SH3KBP1: variants seen among roughly 807,000 people sequenced by gnomAD.
SH3KBP1 encodes the protein SH3 domain-containing kinase-binding protein 1.
A neutral mutation model predicts 50.1 loss-of-function variants in SH3KBP1; 8 were observed. That is an observed-to-expected ratio of 0.16 (90% CI 0.09 to 0.29). The LOEUF (loss-of-function observed/expected upper bound fraction) is 0.29, where lower values mean the gene tolerates loss of function less well. SH3KBP1 is among the 10% of genes least tolerant of loss of function. The pLI is 1.00. For missense variants in SH3KBP1, 377 were observed against 535.2 expected, an observed-to-expected ratio of 0.70 and a Z score of 2.92; for synonymous variants, 227 against 218.6, an observed-to-expected ratio of 1.04 and a Z score of -0.34.
intron 2 of SH3KBP1, among the ~76,000 whole-genome samples, chrX:19,808,604 C>A (rs146567361): frequency 9.0e-6 from 1 of 111,173 alleles, no homozygotes; most frequent in East Asian, 2.8e-4. Context: ...CCCCCTCCCC[C>A]ACAACTGCTG....
chrX:19,631,956 T>C lies in SH3KBP1; in HGVS notation c.805A>G (p.Lys269Glu). Residue 269 changes from lysine (K) to glutamate (E), a missense_variant and splice_region_variant, in exon 8 of 18, where the codon AAG becomes GAG. By Grantham distance (56) the Lys-to-Glu change is moderately conservative. Around this residue, in one of 3 missense-constraint regions of SH3KBP1, gnomAD observed 257 missense variants for 374.2 expected, o/e 0.69. Coordinates refer to ENST00000397821, the MANE Select transcript of SH3KBP1 (RefSeq NM_031892.3). ...KTEMDSRTKSKDYCKVIFPYE... is the reference protein window; with the variant it reads ...KTEMDSRTKSEDYCKVIFPYE... Reference sequence around the variant, plus strand: ...GGAAATATTACTTTGCAGTAATCCTTGCCTATAAGAAAAACAGAAAACATA... The same window carrying C: ...GGAAATATTACTTTGCAGTAATCCTCGCCTATAAGAAAAACAGAAAACATA... The C allele has an allele frequency of 8.7e-7, 1 of 1,148,784 alleles. No homozygotes were observed. The highest frequency in any genetic ancestry group is 1.2e-6 in the Non-Finnish European group (1 of 844,728). The allele number at this position is 1,148,784 out of a possible 1,213,427, so 94.7% of individuals were successfully genotyped here.
intron 3 of SH3KBP1, chrX:19,707,199 G>C (rs750516196): frequency 9.8e-6 from 5 of 509,526 alleles, no homozygotes; most frequent in Admixed American, 9.7e-5. Context: ...GGGTCAGAAA[G>C]GCATGGATAT....
At chrX:19,731,589 C>T (rs905860286) in intron 3 of SH3KBP1, among the ~76,000 whole-genome samples, 1 of 112,048 alleles carries the variant, frequency 8.9e-6, no homozygotes, top group Non-Finnish European at 1.9e-5. Context: ...TCTCCTCTCT[C>T]CCTCGGTACT....
chrX:19,832,247 T>C (rs2067917488), intron 2 of SH3KBP1, among the ~76,000 whole-genome samples: 1 of 111,445 alleles, frequency 9.0e-6, no homozygotes, highest in Admixed American at 9.5e-5. Context: ...CGCAGGGCAA[T>C]TCAGGCCCAG....
chrX:19,604,608 G>A (rs1020552737), intron 9 of SH3KBP1, among the ~76,000 whole-genome samples: 1 of 111,773 alleles, frequency 8.9e-6, no homozygotes, highest in Admixed American at 9.5e-5. Flanking sequence ...GTGGCAGAAC[G>A]TTTCAGACTC....
chrX:19,542,814 G>A (rs2064965890), intron 15 of SH3KBP1, among the ~76,000 whole-genome samples: 1 of 111,799 alleles, frequency 8.9e-6, no homozygotes, highest in African/African-American at 3.3e-5. Flanking sequence ...ATGCATTGGT[G>A]GGAAGTACTG....
At chrX:19,786,727 T>C (rs777148002) in intron 2 of SH3KBP1, among the ~76,000 whole-genome samples, 1 of 112,172 alleles carries the variant, frequency 8.9e-6, no homozygotes, top group Admixed American at 9.5e-5. Context: ...AGGTTATTAG[T>C]TTCTTAGGCA....
chrX:19,752,069 A>G (rs1474401671), intron 2 of SH3KBP1, among the ~76,000 whole-genome samples: 1 of 112,471 alleles, frequency 8.9e-6, no homozygotes, highest in Non-Finnish European at 1.9e-5. Flanking sequence ...TGTAACCAAA[A>G]TACTACACAG....
At chrX:19,570,092 T>C (rs2147838762) in intron 12 of SH3KBP1, among the ~76,000 whole-genome samples, 1 of 112,272 alleles carries the variant, frequency 8.9e-6, no homozygotes. Context: ...CAATGAGTAG[T>C]ACCAGATTTA....
At position 19,592,083 on chromosome X, in the gene SH3KBP1, G is replaced by C. The variant is rs2066765518; in HGVS notation, c.1122C>G (p.Asn374Lys). ...ATTTCATACCTTTTTCTTCTGTTCTGTTTGGAAGCATTTCTGGTCTTTCAG... is the reference window on the plus strand; with the variant it reads ...ATTTCATACCTTTTTCTTCTGTTCTCTTTGGAAGCATTTCTGGTCTTTCAG... ...IPPERPEMLP[N>K]RTEEKERPER... Residue 374 changes from asparagine to lysine, a missense_variant, in exon 11 of 18, where the codon AAC (asparagine) becomes AAG (lysine). Physicochemically the swap from Asn to Lys is moderately conservative, Grantham distance 94. Around this residue, in one of 3 missense-constraint regions of SH3KBP1, gnomAD observed 257 missense variants for 374.2 expected, o/e 0.69. Coordinates refer to ENST00000397821, the MANE Select transcript of SH3KBP1 (RefSeq NM_031892.3). The C allele has an allele frequency of 8.3e-7, 1 of 1,204,147 alleles. No individual in the cohort carries two copies. The highest frequency in any genetic ancestry group is 3.0e-5 in the East Asian group (1 of 33,807).
chrX:19,875,290 G>A (rs1370373044), intron 1 of SH3KBP1, among the ~76,000 whole-genome samples: 1 of 111,272 alleles, frequency 9.0e-6, no homozygotes, highest in Non-Finnish European at 1.9e-5. Flanking sequence ...GAGCTCAAAG[G>A]ATTAAAATAG....
chrX:19,614,531 C>T (rs2148157731), intron 8 of SH3KBP1, among the ~76,000 whole-genome samples: 1 of 111,778 alleles, frequency 8.9e-6, no homozygotes, highest in Admixed American at 9.5e-5. Context: ...AAGAAAATGC[C>T]GATGTCTGGG....
intron 2 of SH3KBP1, among the ~76,000 whole-genome samples, chrX:19,778,764 G>A (rs921124087): frequency 6.3e-5 from 7 of 110,705 alleles, no homozygotes; most frequent in African/African-American, 2.3e-4. Context: ...GGGGCTTCCA[G>A]GAGTGACACA....
intron 15 of SH3KBP1, among the ~76,000 whole-genome samples, chrX:19,545,261 G>A (rs1231762051): frequency 1.8e-5 from 2 of 111,955 alleles, no homozygotes; most frequent in Non-Finnish European, 3.8e-5. Flanking sequence ...GGAGAAAATG[G>A]AATTTTAAAA....
At chrX:19,743,522 C>G (rs1002046606) in intron 3 of SH3KBP1, among the ~76,000 whole-genome samples, 1 of 111,966 alleles carries the variant, frequency 8.9e-6, no homozygotes. Context: ...CGTTTACAAA[C>G]GTTAAAGCTG....
At chrX:19,731,340 G>A (rs985181093) in intron 3 of SH3KBP1, among the ~76,000 whole-genome samples, 2 of 112,213 alleles carry the variant, frequency 1.8e-5, no homozygotes, top group African/African-American at 3.2e-5. Flanking sequence ...ATACATTCTC[G>A]CACTCGCCAT....
At chrX:19,749,024 T>C (rs915516990) in intron 2 of SH3KBP1, among the ~76,000 whole-genome samples, 1 of 112,521 alleles carries the variant, frequency 8.9e-6, no homozygotes, top group Non-Finnish European at 1.9e-5. Flanking sequence ...TACAAGTGGC[T>C]AATGAGCATG....
chrX:19,730,920 TTTTA>T (rs1213928158), intron 3 of SH3KBP1, among the ~76,000 whole-genome samples: 1 of 111,843 alleles, frequency 8.9e-6, no homozygotes, highest in Non-Finnish European at 1.9e-5. Flanking sequence ...CTTTCATTTA[TTTTA>T]TTTTATTTTA....
chrX:19,750,399 C>A (rs1390739365), intron 2 of SH3KBP1, among the ~76,000 whole-genome samples: 1 of 111,862 alleles, frequency 8.9e-6, no homozygotes, highest in African/African-American at 3.3e-5. Flanking sequence ...ATCATGTCTT[C>A]CTGCCTACAA....
Sources: allele counts gnomAD v4.1 joint callset (sites outside exome capture counted in the v4.1 genomes callset), GRCh38; gene constraint gnomAD v4.1.1; regional missense constraint gnomAD v4.1.1; transcripts MANE v1.5; gene names NCBI Gene and HGNC (gene_info 2026-07-23, HGNC 2026-07-21).